Variants in RALA observed in about 807,000 individuals in gnomAD.
RALA encodes RAS like proto-oncogene A, also known as ras-related protein Ral-A.
A neutral mutation model predicts 24.0 loss-of-function variants in RALA; 5 were observed. The ratio of observed to expected loss-of-function variants is 0.21; its 90% CI spans 0.11 to 0.44. The LOEUF (loss-of-function observed/expected upper bound fraction) is 0.44, where lower values mean the gene tolerates loss of function less well. Ranked by LOEUF, RALA falls within the 20% of genes least tolerant of loss-of-function variation. The pLI is 0.99. For missense variants in RALA, 95 were observed against 241.2 expected (o/e 0.39, Z 4.01); for synonymous variants, 77 against 83.8 (o/e 0.92, Z 0.44).
At chr7:39,658,750 T>TA (rs1792136668) in intron 1 of RALA, among the ~76,000 whole-genome samples, 1 of 152,068 alleles carries the variant, frequency 6.6e-6, no homozygotes, top group African/African-American at 2.4e-5. Context: ...TTAGTTTTTT[T>TA]ATTTTAATTT....
intron 4 of RALA, among the ~76,000 whole-genome samples, chr7:39,699,129 T>TA: frequency 9.0e-6 from 1 of 110,764 alleles, no homozygotes; most frequent in South Asian, 3.3e-4. Context: ...TTATTTTTTT[T>TA]TTTTTTTTTT....
intron 4 of RALA, 85 bp from the exon 5 acceptor site, chr7:39,706,038 C>A: frequency 8.3e-7 from 1 of 1,207,638 alleles, no homozygotes. Flanking sequence ...ACTTCTGTTA[C>A]CCCCAAAGTT....
At chr7:39,661,539 G>A (rs1272877301) in intron 1 of RALA, among the ~76,000 whole-genome samples, 1 of 152,218 alleles carries the variant, frequency 6.6e-6, no homozygotes, top group Admixed American at 6.5e-5. Flanking sequence ...CCCTATGCAA[G>A]TCCAAAATCC....
At chr7:39,696,113 G>A (rs545795012) in intron 3 of RALA, among the ~76,000 whole-genome samples, 1 of 152,276 alleles carries the variant, frequency 6.6e-6, no homozygotes, top group East Asian at 1.9e-4. Flanking sequence ...CTTTAAAATT[G>A]ATGACACTTT....
intron 4 of RALA, chr7:39,703,359 A>T (rs1167624346): frequency 6.6e-6 from 1 of 152,206 alleles, no homozygotes; most frequent in Non-Finnish European, 1.5e-5. Flanking sequence ...CATGGCTTTT[A>T]TGTCATCATT....
chr7:39,678,742 A>G (rs1052454267), intron 1 of RALA, among the ~76,000 whole-genome samples: 3 of 152,172 alleles, frequency 2.0e-5, no homozygotes, highest in Admixed American at 6.5e-5. Context: ...CATACCTCCA[A>G]TTTCTAGTTT....
intron 3 of RALA, among the ~76,000 whole-genome samples, chr7:39,692,031 C>T (rs1007899050): frequency 1.3e-5 from 2 of 152,112 alleles, no homozygotes; most frequent in Admixed American, 6.6e-5. Context: ...ACTCTTAGGG[C>T]GTACCTCCAA....
chr7:39,671,722 G>A (rs1262583562), intron 1 of RALA, among the ~76,000 whole-genome samples: 7 of 148,980 alleles, frequency 4.7e-5, no homozygotes, highest in Non-Finnish European at 1.0e-4. Flanking sequence ...CCATCTTTAA[G>A]CCATCAACTA....
intron 1 of RALA, among the ~76,000 whole-genome samples, chr7:39,669,063 G>A (rs1040075318): frequency 4.6e-5 from 7 of 152,060 alleles, no homozygotes; most frequent in African/African-American, 7.2e-5. Flanking sequence ...GCAGTGAACC[G>A]AGATCGCACC....
chr7:39,632,157 T>C (rs546994261), intron 1 of RALA, among the ~76,000 whole-genome samples: 2 of 152,314 alleles, frequency 1.3e-5, no homozygotes, highest in East Asian at 3.9e-4. Flanking sequence ...TAGGCCCGCC[T>C]CCAACCTTGG....
intron 1 of RALA, among the ~76,000 whole-genome samples, chr7:39,672,649 TAA>T (rs35948897): frequency 1.4e-5 from 2 of 141,494 alleles, no homozygotes; most frequent in African/African-American, 2.6e-5. Flanking sequence ...TATTCAGTCG[TAA>T]AAAAAAAAAA....
Position 39,646,192 on chromosome 7 carries a change from C to T in RALA, c.-38+22367C>T, listed in dbSNP as rs115671992. Among the ~76,000 whole-genome samples the T allele has an allele frequency of 8.3e-3, 1,261 of 152,270 alleles. 13 individuals are homozygous for T. The highest frequency in any genetic ancestry group is 0.028 in the African/African-American group (1,182 of 41,546). On this transcript the variant is annotated intron_variant, in intron 1 of 4. Transcript: ENST00000005257. ...CATATAGTCCTAACTACTTGGCAGG[C>T]TGAGGTGGGAGGATCACTTGAGCCT...
chr7:39,637,652 A>G (rs1366988891), intron 1 of RALA, among the ~76,000 whole-genome samples: 4 of 152,244 alleles, frequency 2.6e-5, no homozygotes, highest in Non-Finnish European at 4.4e-5. Context: ...TTCTAAATGC[A>G]CAGATAACTG....
At chr7:39,665,985 TTAAG>T (rs1230980771) in intron 1 of RALA, among the ~76,000 whole-genome samples, 1 of 152,184 alleles carries the variant, frequency 6.6e-6, no homozygotes, top group Admixed American at 6.5e-5. Flanking sequence ...CATGAGATAA[TTAAG>T]TACGCAGTTG....
intron 3 of RALA, among the ~76,000 whole-genome samples, chr7:39,692,365 T>G (rs1792836242): frequency 6.6e-6 from 1 of 152,210 alleles, no homozygotes; most frequent in African/African-American, 2.4e-5. Context: ...TAGCATATAA[T>G]CTATAGTAAG....
chr7:39,678,164 G>T (rs988604541), intron 1 of RALA, among the ~76,000 whole-genome samples: 1 of 150,262 alleles, frequency 6.7e-6, no homozygotes, highest in Non-Finnish European at 1.5e-5. Context: ...TGCACAATGT[G>T]CACATGTACC....
At chr7:39,653,516 T>C (rs954628573) in intron 1 of RALA, among the ~76,000 whole-genome samples, 1 of 151,718 alleles carries the variant, frequency 6.6e-6, no homozygotes, top group Non-Finnish European at 1.5e-5. Context: ...TTAGTAGAGA[T>C]GAGACCTTGC....
intron 2 of RALA, among the ~76,000 whole-genome samples, chr7:39,689,318 C>A (rs1490772027): frequency 6.6e-6 from 1 of 152,138 alleles, no homozygotes; most frequent in Non-Finnish European, 1.5e-5. Context: ...TAATGAATGA[C>A]TAAGCACATT....
intron 3 of RALA, among the ~76,000 whole-genome samples, chr7:39,695,165 C>A (rs969731567): frequency 6.6e-6 from 1 of 151,842 alleles, no homozygotes; most frequent in East Asian, 1.9e-4. Flanking sequence ...AAAATATAGT[C>A]GTCCCTCAGT....
Sources: allele counts gnomAD v4.1 joint callset (sites outside exome capture counted in the v4.1 genomes callset), GRCh38; gene constraint gnomAD v4.1.1; transcripts MANE v1.5; gene names NCBI Gene and HGNC (gene_info 2026-07-23, HGNC 2026-07-21).